Variants in CLSTN2 observed in about 807,000 individuals in gnomAD.
The protein encoded by CLSTN2 is calsyntenin 2.
CLSTN2 carries 48 observed loss-of-function variants against 101.2 expected under a neutral mutation model. That is an observed-to-expected ratio of 0.47 (90% CI 0.38 to 0.60). CLSTN2 has a LOEUF of 0.60. Among genes scored for constraint, CLSTN2 ranks in the 20% least tolerant of loss-of-function variants. CLSTN2 has a pLI of 0.00. For synonymous variants in CLSTN2, 481 were observed against 463.6 expected, an observed-to-expected ratio of 1.04 and a Z score of -0.48; for missense variants, 1,160 against 1,238.2, an observed-to-expected ratio of 0.94 and a Z score of 0.95.
intron 1 of CLSTN2, 91 bp from the exon 2 acceptor site, chr3:140,175,860 G>C: frequency 4.7e-6 from 6 of 1,266,520 alleles, no homozygotes; most frequent in Non-Finnish European, 6.6e-6. Flanking sequence ...GAGAGTCTAT[G>C]ATTGGGCAAA....
intron 2 of CLSTN2, among the ~76,000 whole-genome samples, chr3:140,338,659 G>C (rs1253781666): frequency 6.6e-6 from 1 of 152,140 alleles, no homozygotes; most frequent in Non-Finnish European, 1.5e-5. Context: ...TTATTCGTGG[G>C]GACCCTGTGA....
At chr3:140,413,062 A>G (rs2088383412) in intron 4 of CLSTN2, among the ~76,000 whole-genome samples, 1 of 152,190 alleles carries the variant, frequency 6.6e-6, no homozygotes, top group Non-Finnish European at 1.5e-5. Flanking sequence ...GAAATAATGG[A>G]AATAAACACT....
At chr3:140,037,446 A>G (rs1294220186) in intron 1 of CLSTN2, among the ~76,000 whole-genome samples, 2 of 152,172 alleles carry the variant, frequency 1.3e-5, no homozygotes, top group Non-Finnish European at 2.9e-5. Flanking sequence ...AGCACAAACT[A>G]GATGGAATTT....
At chr3:140,003,220 T>A (rs1052002946) in intron 1 of CLSTN2, among the ~76,000 whole-genome samples, 2 of 152,168 alleles carry the variant, frequency 1.3e-5, no homozygotes, top group Admixed American at 1.3e-4. Flanking sequence ...CAATTTTTTG[T>A]CTTCTTCAAT....
intron 5 of CLSTN2, among the ~76,000 whole-genome samples, chr3:140,430,399 A>C (rs993479174): frequency 3.3e-5 from 5 of 152,216 alleles, no homozygotes; most frequent in Non-Finnish European, 5.9e-5. Context: ...TTTACATTTT[A>C]AATCATTGAA....
chr3:140,415,123 G>C (rs1019275440), intron 4 of CLSTN2, among the ~76,000 whole-genome samples: 1 of 150,480 alleles, frequency 6.6e-6, no homozygotes, highest in Non-Finnish European at 1.5e-5. Flanking sequence ...GAAAAAAACT[G>C]GATATCCACA....
rs1231977878 is a variant in CLSTN2 at position 140,509,911 on chromosome 3, T to C, written c.1345-22413T>C. ...TTTAATATAGATGCTCCTCAACTTATAATGGGGTTGTTTTCCAATAAGCCC... is the reference window on the plus strand; with the variant it reads ...TTTAATATAGATGCTCCTCAACTTACAATGGGGTTGTTTTCCAATAAGCCC... On this transcript the variant is annotated intron_variant, in intron 8 of 16. Transcript: ENST00000458420. Among the ~76,000 whole-genome samples the C allele has an allele frequency of 4.6e-5, 7 of 152,358 alleles. No homozygotes were observed. The East Asian group carries it at 1.3e-3, about 29-fold the overall frequency.
At chr3:140,231,055 T>C (rs758941646) in intron 2 of CLSTN2, among the ~76,000 whole-genome samples, 1 of 152,206 alleles carries the variant, frequency 6.6e-6, no homozygotes, top group African/African-American at 2.4e-5. Context: ...TTCTTCACAA[T>C]GAAACATCTT....
chr3:140,321,749 C>A (rs1443597059), intron 2 of CLSTN2, among the ~76,000 whole-genome samples: 1 of 152,140 alleles, frequency 6.6e-6, no homozygotes, highest in East Asian at 1.9e-4. Context: ...CAACATCCCC[C>A]AGAGTTTATC....
At chr3:140,453,794 A>G (rs1312161199) in intron 6 of CLSTN2, among the ~76,000 whole-genome samples, 1 of 152,206 alleles carries the variant, frequency 6.6e-6, no homozygotes, top group African/African-American at 2.4e-5. Context: ...TCTGGAGAAG[A>G]CAGACATGTT....
chr3:140,124,925 AG>A (rs1339099484), intron 1 of CLSTN2, among the ~76,000 whole-genome samples: 1 of 152,204 alleles, frequency 6.6e-6, no homozygotes, highest in African/African-American at 2.4e-5. Flanking sequence ...CAAAGGAGAC[AG>A]GGGCTAGGGC....
chr3:140,053,760 A>T (rs1168045297), intron 1 of CLSTN2, among the ~76,000 whole-genome samples: 1 of 152,110 alleles, frequency 6.6e-6, no homozygotes, highest in Non-Finnish European at 1.5e-5. Context: ...GCTCACCTTC[A>T]TAAGCCTGTT....
chr3:140,421,350 C>A, intron 5 of CLSTN2, 76 bp downstream of exon 5: 1 of 1,521,632 alleles, frequency 6.6e-7, no homozygotes, highest in South Asian at 1.2e-5. Flanking sequence ...GTCCTCAAAT[C>A]ATCACAACAC....
chr3:140,036,760 A>G lies in CLSTN2; in HGVS notation c.109+101277A>G, dbSNP rs373222510. 1.5e-3 allele frequency among the ~76,000 whole-genome samples: 226 copies of G among 151,988 alleles called. 1 individual carries two copies. In the South Asian group the frequency reaches 0.021, roughly 14 times the overall value. The stretch of plus-strand genomic sequence containing the variant: ...GGGGGCCCAACATCAGATAGAATGC[A>G]AGGCATCTGTTACTCATCAGCATAT... On this transcript the variant is annotated intron_variant, in intron 1 of 16. Coordinates refer to ENST00000458420, the MANE Select transcript of CLSTN2 (RefSeq NM_022131.3).
intron 2 of CLSTN2, among the ~76,000 whole-genome samples, chr3:140,390,011 T>C (rs2088095813): frequency 6.6e-6 from 1 of 152,118 alleles, no homozygotes; most frequent in South Asian, 2.1e-4. Context: ...GTATGATTAA[T>C]GTTATTTTGT....
intron 2 of CLSTN2, among the ~76,000 whole-genome samples, chr3:140,219,331 C>T (rs1325773509): frequency 2.0e-5 from 3 of 151,996 alleles, no homozygotes; most frequent in African/African-American, 7.2e-5. Context: ...TGAGAGCAGG[C>T]AGGGAACCTC....
chr3:140,408,338 C>T (rs2088327941), intron 4 of CLSTN2, among the ~76,000 whole-genome samples: 1 of 152,158 alleles, frequency 6.6e-6, no homozygotes, highest in South Asian at 2.1e-4. Flanking sequence ...ATCAGCATGG[C>T]TGAGACATTT....
intron 2 of CLSTN2, among the ~76,000 whole-genome samples, chr3:140,185,347 C>A (rs1272978423): frequency 1.3e-5 from 2 of 152,176 alleles, no homozygotes; most frequent in Non-Finnish European, 2.9e-5. Flanking sequence ...GAACAAGACC[C>A]CCAACCACCT....
intron 8 of CLSTN2, among the ~76,000 whole-genome samples, chr3:140,524,767 G>C (rs1005330362): frequency 2.0e-5 from 3 of 152,118 alleles, no homozygotes; most frequent in African/African-American, 7.2e-5. Flanking sequence ...CTGCAATGCA[G>C]CAAAAATAGA....
Sources: allele counts gnomAD v4.1 joint callset (sites outside exome capture counted in the v4.1 genomes callset), GRCh38; gene constraint gnomAD v4.1.1; transcripts MANE v1.5; gene names NCBI Gene and HGNC (gene_info 2026-07-23, HGNC 2026-07-21).